The following DCC variants were observed in gnomAD, a reference collection of about 807,000 sequenced individuals.
The protein encoded by DCC is netrin receptor DCC.
DCC carries 58 observed loss-of-function variants against 172.5 expected under a neutral mutation model. That is an observed-to-expected ratio of 0.34 (90% CI 0.27 to 0.42). The LOEUF (loss-of-function observed/expected upper bound fraction) is 0.42, where lower values mean the gene tolerates loss of function less well. DCC is among the 10% of genes least tolerant of loss of function. The pLI is 1.00. For synonymous variants in DCC, 709 were observed against 644.5 expected, an observed-to-expected ratio of 1.10 and a Z score of -1.52; for missense variants, 1,740 against 1,791.0, an observed-to-expected ratio of 0.97 and a Z score of 0.51.
At chr18:52,344,273 A>G (rs185108992) in intron 1 of DCC, among the ~76,000 whole-genome samples, 1 of 152,240 alleles carries the variant, frequency 6.6e-6, no homozygotes, top group Non-Finnish European at 1.5e-5. Context: ...GCTAGAGTAC[A>G]GGATATTTGC....
chr18:53,081,623 C>T (rs2042805522), intron 7 of DCC, among the ~76,000 whole-genome samples: 1 of 151,942 alleles, frequency 6.6e-6, no homozygotes, highest in Non-Finnish European at 1.5e-5. Context: ...AATTATTTAG[C>T]TTGAACTGTA....
At chr18:53,417,711 T>G (rs1910400099) in intron 21 of DCC, among the ~76,000 whole-genome samples, 1 of 152,198 alleles carries the variant, frequency 6.6e-6, no homozygotes, top group Non-Finnish European at 1.5e-5. Flanking sequence ...CTAGTTGAAA[T>G]GTCATTATTA....
chr18:53,138,212 G>C (rs8098809), intron 7 of DCC, among the ~76,000 whole-genome samples: 91,926 of 151,830 alleles, frequency 0.61, 28,558 homozygotes, highest in South Asian at 0.75. Flanking sequence ...TGTCGTCAGG[G>C]ATGTCTCTAC....
intron 7 of DCC, among the ~76,000 whole-genome samples, chr18:53,138,867 A>G (rs986549898): frequency 2.0e-5 from 3 of 152,200 alleles, no homozygotes; most frequent in Non-Finnish European, 2.9e-5. Flanking sequence ...CATTTTTCTC[A>G]TGACAATTAT....
intron 7 of DCC, among the ~76,000 whole-genome samples, chr18:53,091,851 C>CT (rs1568299331): frequency 2.6e-4 from 14 of 54,356 alleles, no homozygotes; most frequent in African/African-American, 3.8e-4. Context: ...ATCTATCTAT[C>CT]AATCTATCTA....
At chr18:52,978,873 A>G (rs1196009311) in intron 5 of DCC, among the ~76,000 whole-genome samples, 1 of 152,078 alleles carries the variant, frequency 6.6e-6, no homozygotes, top group Non-Finnish European at 1.5e-5. Flanking sequence ...GCTCTATGCA[A>G]TTTGCTGCAA....
At chr18:53,395,211 A>G (rs1024904238) in intron 17 of DCC, among the ~76,000 whole-genome samples, 1 of 152,140 alleles carries the variant, frequency 6.6e-6, no homozygotes, top group East Asian at 1.9e-4. Context: ...GTGCTCACAA[A>G]GATAACTGGC....
intron 2 of DCC, among the ~76,000 whole-genome samples, chr18:52,870,580 A>C (rs2039303790): frequency 6.6e-6 from 1 of 152,158 alleles, no homozygotes; most frequent in South Asian, 2.1e-4. Flanking sequence ...TCTTGCAGAT[A>C]AGATCACTGT....
intron 14 of DCC, among the ~76,000 whole-genome samples, chr18:53,338,880 A>T (rs1305503021): frequency 6.6e-6 from 1 of 152,202 alleles, no homozygotes; most frequent in Admixed American, 6.6e-5. Flanking sequence ...CCATACCTTC[A>T]TTCTACAGGT....
chr18:52,696,192 T>C (rs1427509148), intron 1 of DCC, among the ~76,000 whole-genome samples: 1 of 152,222 alleles, frequency 6.6e-6, no homozygotes, highest in Non-Finnish European at 1.5e-5. Context: ...TAAAGTTATA[T>C]ACATATGTCT....
chr18:53,232,460 AG>A (rs1243726809), intron 12 of DCC, among the ~76,000 whole-genome samples: 1 of 152,200 alleles, frequency 6.6e-6, no homozygotes, highest in Non-Finnish European at 1.5e-5. Flanking sequence ...AAAACCTATA[AG>A]TATTTCATGA....
At chr18:52,358,037 T>C (rs1984455545) in intron 1 of DCC, among the ~76,000 whole-genome samples, 1 of 152,054 alleles carries the variant, frequency 6.6e-6, no homozygotes, top group African/African-American at 2.4e-5. Context: ...TACCCCCTGA[T>C]ATGATGTGAT....
intron 2 of DCC, among the ~76,000 whole-genome samples, chr18:52,777,762 T>G (rs1483497756): frequency 6.8e-6 from 1 of 146,788 alleles, no homozygotes; most frequent in Non-Finnish European, 1.5e-5. Context: ...AGGAGGCAGA[T>G]CTCCAGGGAA....
chr18:53,205,278 A>T lies in DCC; in HGVS notation c.1636A>T (p.Ile546Phe), dbSNP rs781429665. The change falls in exon 10 of 29, where the codon ATT (isoleucine) becomes TTT (phenylalanine). Residue 546 changes from isoleucine (I) to phenylalanine (F), a missense_variant. Coordinates refer to ENST00000442544, the MANE Select transcript of DCC (RefSeq NM_005215.4). ...ATCTACCTCACCTACCTCAATTCTTATTACCTGGGAACCCCCTGCCTATGC... is the reference window on the plus strand; with the variant it reads ...ATCTACCTCACCTACCTCAATTCTTTTTACCTGGGAACCCCCTGCCTATGC... The part of the protein sequence containing the change: ...AVSTSPTSIL[I>F]TWEPPAYANG... 1.2e-6 allele frequency: 2 copies of T among 1,613,676 alleles called. No homozygotes were observed. Among genetic ancestry groups the T allele is most frequent in the African/African-American group, 1.3e-5 (1 of 74,986 alleles).
At chr18:53,444,266 G>T (rs541893315) in intron 22 of DCC, among the ~76,000 whole-genome samples, 1 of 152,276 alleles carries the variant, frequency 6.6e-6, no homozygotes, top group South Asian at 2.1e-4. Flanking sequence ...CACAGGCTGG[G>T]CATGGTGGCT....
At position 53,238,813 on chromosome 18, in the gene DCC, A is replaced by G. The variant is rs2056243163; in HGVS notation, c.1911+23216A>G. 2.6e-5 allele frequency among the ~76,000 whole-genome samples: 4 copies of G among 152,258 alleles called. No individual in the cohort carries two copies. In the South Asian group the frequency reaches 6.2e-4, roughly 24 times the overall value. The stretch of plus-strand genomic sequence containing the variant: ...CCTCATTGTATGGGTAAATTTTCCT[A>G]CATAAAGTGAACCCAGAGCAATCAG... On this transcript the variant is annotated intron_variant, in intron 12 of 28. Transcript: ENST00000442544.
At chr18:52,517,835 G>A (rs1274415612) in intron 1 of DCC, among the ~76,000 whole-genome samples, 1 of 152,130 alleles carries the variant, frequency 6.6e-6, no homozygotes, top group Non-Finnish European at 1.5e-5. Flanking sequence ...ATTTTAAAGG[G>A]ATTAGGAAAT....
At chr18:53,518,297 G>A (rs2046361434) in intron 27 of DCC, among the ~76,000 whole-genome samples, 1 of 152,112 alleles carries the variant, frequency 6.6e-6, no homozygotes, top group African/African-American at 2.4e-5. Context: ...ATAGGAAAAA[G>A]TGGGGAAGAT....
In DCC at chr18:53,499,480, G is replaced by A. The variant is rs2046069543; in HGVS notation, c.4081G>A (p.Val1361Ile). Reference sequence around the variant, plus strand: ...ACCAATGAGTGCAATAGAACCGAAAGTCCCTTACACACCACTTTTGTCTCA... The same window carrying A: ...ACCAATGAGTGCAATAGAACCGAAAATCCCTTACACACCACTTTTGTCTCA... Reference protein sequence around the residue: ...PPPMSAIEPKVPYTPLLSQPG... With the variant: ...PPPMSAIEPKIPYTPLLSQPG... Residue 1361 changes from valine to isoleucine, a missense_variant, in exon 27 of 29, where the codon GTC (valine) becomes ATC (isoleucine). Around this residue, in one of 2 missense-constraint regions of DCC, gnomAD observed 1,732 missense variants for 1,767.4 expected, o/e 0.98. Transcript: ENST00000442544. 2 of 1,614,006 alleles carry A rather than the reference G, an allele frequency of 1.2e-6. No homozygotes were observed. The highest frequency in any genetic ancestry group is 1.7e-5 in the Admixed American group (1 of 59,992).
Sources: gnomAD v4.1 joint callset for allele counts (sites outside exome capture counted in the v4.1 genomes callset) on GRCh38, gnomAD v4.1.1 for gene constraint, gnomAD v4.1.1 regional missense constraint, MANE v1.5 for transcripts, NCBI Gene and HGNC (gene_info 2026-07-23, HGNC 2026-07-21) for gene names.